The following VOPP1 variants were observed in gnomAD, a reference collection of about 807,000 sequenced individuals.
VOPP1 encodes the protein WW domain binding protein VOPP1.
Under a neutral mutation model 23.5 loss-of-function variants are expected in VOPP1, and 8 were observed. The observed-to-expected ratio is 0.34, with a 90% confidence interval of 0.20 to 0.61. The LOEUF (loss-of-function observed/expected upper bound fraction) is 0.61. Ranked by LOEUF, VOPP1 falls within the 20% of genes least tolerant of loss-of-function variation. The probability of loss-of-function intolerance (pLI) is 0.78; values close to 1 mark genes in which losing one functional copy is unlikely to be tolerated. For synonymous variants in VOPP1, 83 were observed against 97.3 expected (o/e 0.85, Z 0.86); for missense variants, 174 against 238.1 (o/e 0.73, Z 1.77).
At chr7:55,490,231 A>G (rs1583895124) in intron 4 of VOPP1, among the ~76,000 whole-genome samples, 1 of 152,036 alleles carries the variant, frequency 6.6e-6, no homozygotes, top group Non-Finnish European at 1.5e-5. Context: ...AAGACAGAGG[A>G]GCTGGTGGAG....
At chr7:55,547,108 A>G (rs1797398705) in intron 1 of VOPP1, among the ~76,000 whole-genome samples, 2 of 152,186 alleles carry the variant, frequency 1.3e-5, no homozygotes, top group African/African-American at 4.8e-5. Flanking sequence ...AGCTGTTAAG[A>G]CTTGGGAGAA....
chr7:55,500,933 C>G (rs557165937), intron 2 of VOPP1, among the ~76,000 whole-genome samples: 1 of 152,350 alleles, frequency 6.6e-6, no homozygotes, highest in Admixed American at 6.5e-5. Flanking sequence ...GTCACCTTCT[C>G]TATCCCCACT....
intron 2 of VOPP1, among the ~76,000 whole-genome samples, chr7:55,507,385 G>T (rs1250584904): frequency 6.6e-6 from 1 of 152,086 alleles, no homozygotes; most frequent in African/African-American, 2.4e-5. Flanking sequence ...TGGTGGGTGG[G>T]GGGTGTTGTT....
chr7:55,473,974 T>G (rs957328184), intron 4 of VOPP1, among the ~76,000 whole-genome samples: 1 of 152,194 alleles, frequency 6.6e-6, no homozygotes, highest in African/African-American at 2.4e-5. Flanking sequence ...TCTAGAAACA[T>G]GCCCATCAAG....
intron 2 of VOPP1, among the ~76,000 whole-genome samples, chr7:55,500,765 T>C (rs1794309890): frequency 6.6e-6 from 1 of 152,202 alleles, no homozygotes; most frequent in Non-Finnish European, 1.5e-5. Context: ...ATTAGTGCCA[T>C]GTTTGAAATA....
intron 4 of VOPP1, among the ~76,000 whole-genome samples, chr7:55,461,059 A>C (rs1791488184): frequency 6.6e-6 from 1 of 152,092 alleles, no homozygotes; most frequent in Non-Finnish European, 1.5e-5. Context: ...CAGCCATAAA[A>C]AGGAATGAAC....
At chr7:55,527,658 A>C (rs1796267011) in intron 1 of VOPP1, among the ~76,000 whole-genome samples, 1 of 152,218 alleles carries the variant, frequency 6.6e-6, no homozygotes, top group Admixed American at 6.5e-5. Flanking sequence ...GTGACAATTA[A>C]TCAGTAACCA....
chr7:55,482,838 C>T (rs1010051303), intron 4 of VOPP1, among the ~76,000 whole-genome samples: 1 of 152,136 alleles, frequency 6.6e-6, no homozygotes, highest in Non-Finnish European at 1.5e-5. Context: ...AAATGAAACC[C>T]CCACACTAAG....
chr7:55,463,206 T>C (rs1463832306), intron 4 of VOPP1, among the ~76,000 whole-genome samples: 3 of 152,390 alleles, frequency 2.0e-5, no homozygotes, highest in Non-Finnish European at 2.9e-5. Context: ...TTTTGTTCTA[T>C]GTTCTCTTGT....
At chr7:55,525,041 G>A (rs565808487) in intron 1 of VOPP1, among the ~76,000 whole-genome samples, 5 of 152,196 alleles carry the variant, frequency 3.3e-5, no homozygotes, top group African/African-American at 9.6e-5. Flanking sequence ...AGAAGGCCCC[G>A]TGCTGGGTCA....
intron 4 of VOPP1, among the ~76,000 whole-genome samples, chr7:55,490,378 A>G (rs141411571): frequency 0.012 from 1,840 of 152,122 alleles, 12 homozygotes; most frequent in Middle Eastern, 0.02. Context: ...GAGGGATGGG[A>G]CCAGAAAGGA....
At chr7:55,565,921 A>G (rs1029858161) in intron 1 of VOPP1, among the ~76,000 whole-genome samples, 2 of 152,230 alleles carry the variant, frequency 1.3e-5, no homozygotes, top group Admixed American at 6.5e-5. Flanking sequence ...AGCACAAACC[A>G]CAAGAAACAC....
chr7:55,436,637 T>TGC (rs1279506568), intron 4 of VOPP1, among the ~76,000 whole-genome samples: 2 of 136,020 alleles, frequency 1.5e-5, no homozygotes, highest in Non-Finnish European at 3.3e-5. Flanking sequence ...TGTGCGTGTG[T>TGC]GTGCGTGCGT....
At chr7:55,562,693 T>C (rs1321115541) in intron 1 of VOPP1, among the ~76,000 whole-genome samples, 2 of 151,962 alleles carry the variant, frequency 1.3e-5, no homozygotes, top group African/African-American at 2.4e-5. Flanking sequence ...CAGCCTAAGG[T>C]GATCAGATAT....
chr7:55,501,667 A>G, intron 2 of VOPP1, among the ~76,000 whole-genome samples: 1 of 152,218 alleles, frequency 6.6e-6, no homozygotes, highest in East Asian at 1.9e-4. Context: ...TACAACACTC[A>G]TGAATACCCT....
intron 1 of VOPP1, among the ~76,000 whole-genome samples, chr7:55,523,202 A>T (rs117626406): frequency 0.011 from 1,671 of 152,306 alleles, 11 homozygotes; most frequent in Middle Eastern, 0.02. Context: ...ATGATCCCCA[A>T]GATACAGTGT....
At chr7:55,502,825 C>T (rs889641428) in intron 2 of VOPP1, among the ~76,000 whole-genome samples, 2 of 152,230 alleles carry the variant, frequency 1.3e-5, no homozygotes, top group African/African-American at 4.8e-5. Context: ...TACACCTTTG[C>T]AGAACAGATC....
chr7:55,532,126 G>A (rs962854948), intron 1 of VOPP1, among the ~76,000 whole-genome samples: 2 of 152,224 alleles, frequency 1.3e-5, no homozygotes, highest in Non-Finnish European at 2.9e-5. Flanking sequence ...GATTCTAACT[G>A]TAAAGAGCAC....
chr7:55,481,477 G>A (rs1374870283), intron 4 of VOPP1, among the ~76,000 whole-genome samples: 2 of 152,202 alleles, frequency 1.3e-5, no homozygotes, highest in Non-Finnish European at 2.9e-5. Flanking sequence ...CCAGGGTGGT[G>A]TCGAGAGAAA....
Sources: allele counts gnomAD v4.1 joint callset (sites outside exome capture counted in the v4.1 genomes callset), GRCh38; gene constraint gnomAD v4.1.1; transcripts MANE v1.5; gene names NCBI Gene and HGNC (gene_info 2026-07-23, HGNC 2026-07-21).